Variants in PUDP observed in about 807,000 individuals in gnomAD.
PUDP encodes the protein pseudouridine-5'-phosphatase.
PUDP carries 8 observed loss-of-function variants against 9.4 expected under a neutral mutation model. That is an observed-to-expected ratio of 0.85 (90% CI 0.50 to 1.53). The LOEUF (loss-of-function observed/expected upper bound fraction) is 1.53, where lower values mean the gene tolerates loss of function less well. PUDP is among the 40% of genes most tolerant of loss of function. PUDP has a pLI of 0.00. For missense variants in PUDP, 188 were observed against 189.7 expected (o/e 0.99, Z 0.05); for synonymous variants, 99 against 80.7 (o/e 1.23, Z -1.22).
intron 3 of PUDP, among the ~76,000 whole-genome samples, chrX:6,867,036 T>C (rs1342863271): frequency 9.0e-6 from 1 of 111,152 alleles, no homozygotes; most frequent in Non-Finnish European, 1.9e-5. Context: ...TCCATACTCA[T>C]AATGTGTTCA....
At chrX:6,838,139 G>A (rs1052209898) in intron 3 of PUDP, among the ~76,000 whole-genome samples, 2 of 112,585 alleles carry the variant, frequency 1.8e-5, no homozygotes, top group Non-Finnish European at 3.7e-5. Flanking sequence ...CCTCGCCAGT[G>A]AGGATGTGTT....
chrX:6,878,408 C>T (rs1033118072), intron 3 of PUDP, among the ~76,000 whole-genome samples: 1 of 109,221 alleles, frequency 9.2e-6, no homozygotes, highest in African/African-American at 3.3e-5. Context: ...AATCTGTCGC[C>T]CAGGCTGAGG....
intron 3 of PUDP, among the ~76,000 whole-genome samples, chrX:6,842,912 G>C (rs911120979): frequency 1.8e-5 from 2 of 112,176 alleles, no homozygotes; most frequent in Non-Finnish European, 3.8e-5. Flanking sequence ...GTTACAATGG[G>C]TCTAAGCTCT....
intron 3 of PUDP, among the ~76,000 whole-genome samples, chrX:6,860,276 T>G (rs1160033842): frequency 9.1e-6 from 1 of 110,263 alleles, no homozygotes; most frequent in Non-Finnish European, 1.9e-5. Context: ...GCCATTGTGC[T>G]TGACCCCTAT....
At chrX:6,716,973 TGCCCAG>T (rs1194886683) in intron 1 of PUDP, among the ~76,000 whole-genome samples, 1 of 111,331 alleles carries the variant, frequency 9.0e-6, no homozygotes, top group Non-Finnish European at 1.9e-5. Flanking sequence ...CTTGTCATGT[TGCCCAG>T]GCGTGTCTTG....
intron 3 of PUDP, among the ~76,000 whole-genome samples, chrX:6,782,187 C>A: frequency 9.0e-6 from 1 of 111,365 alleles, no homozygotes; most frequent in Middle Eastern, 4.6e-3. Context: ...CGGGAAATTC[C>A]GGTGCCCTAG....
intron 3 of PUDP, among the ~76,000 whole-genome samples, chrX:6,914,891 C>CT (rs917443654): frequency 2.2e-4 from 24 of 111,305 alleles, no homozygotes; most frequent in Admixed American, 4.8e-4. Flanking sequence ...TAGAAGGAAT[C>CT]TTTTTTTTTC....
chrX:7,102,973 TA>T (rs1244021313), intron 2 of PUDP, among the ~76,000 whole-genome samples: 16 of 112,028 alleles, frequency 1.4e-4, no homozygotes, highest in African/African-American at 5.2e-4. Flanking sequence ...TGGGAAGACT[TA>T]ATATTAAGAC....
At chrX:6,793,206 C>T (rs1925780613) in intron 3 of PUDP, among the ~76,000 whole-genome samples, 1 of 112,281 alleles carries the variant, frequency 8.9e-6, no homozygotes, top group Non-Finnish European at 1.9e-5. Context: ...ATTGCGGTTT[C>T]TGTCATTGAA....
At chrX:6,792,281 C>A (rs1382828114) in intron 3 of PUDP, among the ~76,000 whole-genome samples, 1 of 109,886 alleles carries the variant, frequency 9.1e-6, no homozygotes, top group African/African-American at 3.3e-5. Flanking sequence ...AACGTATGTA[C>A]CCCCTACCCA....
chrX:6,970,497 G>A (rs1049630063), intron 3 of PUDP, among the ~76,000 whole-genome samples: 1 of 111,393 alleles, frequency 9.0e-6, no homozygotes, highest in Non-Finnish European at 1.9e-5. Flanking sequence ...TCTGGGGTAG[G>A]ACCTGGCGGT....
At chrX:6,772,128 T>A (rs1394437022) in intron 3 of PUDP, among the ~76,000 whole-genome samples, 1 of 112,389 alleles carries the variant, frequency 8.9e-6, no homozygotes, top group East Asian at 2.8e-4. Flanking sequence ...CTAATCACAG[T>A]GCACATCACT....
intron 3 of PUDP, among the ~76,000 whole-genome samples, chrX:6,974,379 T>G (rs1312504862): frequency 8.9e-6 from 1 of 112,170 alleles, no homozygotes; most frequent in African/African-American, 3.2e-5. Flanking sequence ...TAGTGCTTCC[T>G]TCAAGAGCTC....
chrX:6,989,336 T>G (rs58488805), intron 1 of PUDP: 7,927 of 118,025 alleles, frequency 0.067, 344 homozygotes, highest in East Asian at 0.33. Context: ...AAAATGCAGA[T>G]CTTTGTAAAA....
At chrX:6,951,697 C>T (rs1928562059) in intron 3 of PUDP, among the ~76,000 whole-genome samples, 1 of 112,130 alleles carries the variant, frequency 8.9e-6, no homozygotes, top group Non-Finnish European at 1.9e-5. Flanking sequence ...CAACTTGCTG[C>T]AAACCGCTAC....
intron 3 of PUDP, among the ~76,000 whole-genome samples, chrX:6,857,394 A>G (rs779534728): frequency 1.2e-4 from 13 of 112,762 alleles, no homozygotes; most frequent in African/African-American, 4.2e-4. Flanking sequence ...AGACATTTAA[A>G]TGCACCTGTT....
At chrX:6,886,408 G>A (rs1211295084) in intron 3 of PUDP, among the ~76,000 whole-genome samples, 1 of 111,841 alleles carries the variant, frequency 8.9e-6, no homozygotes, top group Non-Finnish European at 1.9e-5. Flanking sequence ...TTCTTTCAAG[G>A]AAATTTTCCA....
chrX:6,807,497 C>T (rs1420041945), intron 3 of PUDP, among the ~76,000 whole-genome samples: 3 of 112,522 alleles, frequency 2.7e-5, no homozygotes, highest in South Asian at 7.3e-4. Context: ...TCTCTACTTC[C>T]ATTTGCGAGT....
chrX:6,952,387 C>T (rs775467824), intron 3 of PUDP, among the ~76,000 whole-genome samples: 4 of 112,197 alleles, frequency 3.6e-5, no homozygotes, highest in Non-Finnish European at 7.5e-5. Flanking sequence ...TTCGTCAAAA[C>T]TATGAAACCA....
Sources: allele counts gnomAD v4.1 joint callset (sites outside exome capture counted in the v4.1 genomes callset), GRCh38; gene constraint gnomAD v4.1.1; transcripts MANE v1.5; gene names NCBI Gene and HGNC (gene_info 2026-07-23, HGNC 2026-07-21).